The following PLS1 variants were observed in gnomAD, a reference collection of about 807,000 sequenced individuals.
The protein encoded by PLS1 is plastin-1.
PLS1 carries 32 observed loss-of-function variants against 73.7 expected under a neutral mutation model. The observed-to-expected ratio is 0.43, with a 90% confidence interval of 0.33 to 0.58. PLS1 has a LOEUF of 0.58. PLS1 is among the 20% of genes least tolerant of loss of function. The pLI is 0.04. For synonymous variants in PLS1, 217 were observed against 261.3 expected, an observed-to-expected ratio of 0.83 and a Z score of 1.63; for missense variants, 633 against 740.5, an observed-to-expected ratio of 0.85 and a Z score of 1.68.
At chr3:142,669,589 T>C in intron 3 of PLS1, 36 bp downstream of exon 3, 3 of 1,522,350 alleles carry the variant, frequency 2.0e-6, no homozygotes, top group Non-Finnish European at 2.7e-6. Flanking sequence ...ACTGATAATC[T>C]TGCTTAGAGC....
chr3:142,657,731 G>A (rs1223248687), intron 1 of PLS1, among the ~76,000 whole-genome samples: 1 of 151,932 alleles, frequency 6.6e-6, no homozygotes, highest in East Asian at 1.9e-4. Flanking sequence ...CTCATGATCC[G>A]CCCACCTCGC....
At chr3:142,699,195 C>G (rs906198044) in intron 12 of PLS1, among the ~76,000 whole-genome samples, 2 of 152,146 alleles carry the variant, frequency 1.3e-5, no homozygotes, top group African/African-American at 2.4e-5. Flanking sequence ...TGCAGTGGCT[C>G]ACACCTGTAA....
intron 4 of PLS1, among the ~76,000 whole-genome samples, chr3:142,671,702 C>T (rs894447138): frequency 5.3e-5 from 8 of 152,126 alleles, no homozygotes; most frequent in South Asian, 2.1e-4. Flanking sequence ...GTGTCTTCCC[C>T]GTGTTAAGTT....
rs142730461 is a variant in PLS1 at position 142,667,038 on chromosome 3, C to A, written c.71-2352C>A. Among the ~76,000 whole-genome samples the A allele has an allele frequency of 4.5e-3, 680 of 152,250 alleles. 5 individuals are homozygous for A. The highest frequency in any genetic ancestry group is 5.8e-3 in the Non-Finnish European group (396 of 68,006). On this transcript the variant is annotated intron_variant, in intron 2 of 15. Transcript: ENST00000457734. ...TCCTGTTTTCTTTTCAAACTGTGAT[C>A]TTTATGGTTATTTAACTTAAGCCTT...
At chr3:142,702,358 C>G (rs1173507598) in intron 12 of PLS1, among the ~76,000 whole-genome samples, 2 of 152,136 alleles carry the variant, frequency 1.3e-5, no homozygotes, top group Admixed American at 6.6e-5. Context: ...TTTGGATTCT[C>G]TTTTTTAAGA....
At chr3:142,602,796 G>A (rs572020920) in intron 1 of PLS1, among the ~76,000 whole-genome samples, 3 of 138,978 alleles carry the variant, frequency 2.2e-5, no homozygotes, top group Admixed American at 2.1e-4. Flanking sequence ...CCCCTGAGTG[G>A]TTCTGTGTTC....
At chr3:142,702,197 G>A (rs1261697261) in intron 12 of PLS1, among the ~76,000 whole-genome samples, 2 of 152,160 alleles carry the variant, frequency 1.3e-5, no homozygotes, top group African/African-American at 4.8e-5. Flanking sequence ...GGGACTACAG[G>A]CATGTGCCAC....
intron 9 of PLS1, among the ~76,000 whole-genome samples, chr3:142,688,942 G>A (rs2038029182): frequency 6.6e-6 from 1 of 152,076 alleles, no homozygotes; most frequent in Admixed American, 6.6e-5. Flanking sequence ...GTCACTCAGT[G>A]TACAGTGGGT....
At chr3:142,693,487 A>T (rs564688397) in intron 10 of PLS1, among the ~76,000 whole-genome samples, 1 of 152,328 alleles carries the variant, frequency 6.6e-6, no homozygotes, top group South Asian at 2.1e-4. Flanking sequence ...TATAACTTAG[A>T]AGTGATGACA....
chr3:142,600,892 ATATATATATATATATATATATATAT>A (rs1476533346), intron 1 of PLS1, among the ~76,000 whole-genome samples: 6 of 21,722 alleles, frequency 2.8e-4, no homozygotes, highest in Middle Eastern at 0.011. Flanking sequence ...ATATATATAT[ATATATATATATATATATATATATAT>A]TTTTTTTTTT....
intron 4 of PLS1, among the ~76,000 whole-genome samples, chr3:142,673,011 A>G (rs1466331149): frequency 6.6e-6 from 1 of 152,230 alleles, no homozygotes; most frequent in Non-Finnish European, 1.5e-5. Flanking sequence ...TATAAATGGT[A>G]TCATACTGTA....
At chr3:142,600,715 C>T (rs957336953) in intron 1 of PLS1, among the ~76,000 whole-genome samples, 46 of 151,236 alleles carry the variant, frequency 3.0e-4, no homozygotes, top group African/African-American at 1.1e-3. Context: ...CACATCCTTG[C>T]CATTGACTTG....
At chr3:142,686,667 A>G (rs559925967) in intron 9 of PLS1, among the ~76,000 whole-genome samples, 1 of 152,304 alleles carries the variant, frequency 6.6e-6, no homozygotes, top group South Asian at 2.1e-4. Flanking sequence ...TTTAGAGTAC[A>G]GTTCTCTACA....
intron 1 of PLS1, among the ~76,000 whole-genome samples, chr3:142,646,161 C>T (rs894368959): frequency 3.9e-5 from 6 of 152,190 alleles, no homozygotes; most frequent in East Asian, 3.9e-4. Context: ...TGTGAAGATT[C>T]GATGAGTCAA....
rs934951407 is a variant in PLS1 at position 142,713,065 on chromosome 3, T to TAAA, written c.*1060_*1061insAAA. ...CCCACTGAATATCTTTAATAGAAAG[T>TAAA]AACATAAAGCTAGTATTCAATGTAG... On this transcript the variant is annotated 3_prime_UTR_variant, in exon 16 of 16. Coordinates refer to ENST00000457734, the MANE Select transcript of PLS1 (RefSeq NM_001145319.2). 1 of 152,486 alleles carries TAAA rather than the reference T, an allele frequency of 6.6e-6. No homozygotes were observed. Among genetic ancestry groups the TAAA allele is most frequent in the Non-Finnish European group, 1.5e-5 (1 of 68,006 alleles). The allele number at this position is 152,486 out of a possible 1,614,324, so 9.4% of individuals were successfully genotyped here.
rs1440375776 is a variant in PLS1, at chr3:142,689,659, A to C, written c.1023A>C (p.Glu341Asp). 1 of 1,610,442 alleles carries C rather than the reference A, an allele frequency of 6.2e-7. No homozygotes were observed. Among genetic ancestry groups the C allele is most frequent in the African/African-American group, 1.3e-5 (1 of 74,666 alleles). The change falls in exon 10 of 16, where the codon GAA becomes GAC. Residue 341 changes from glutamate (E) to aspartate (D), a missense_variant. Transcript: ENST00000457734. ...DLKRAGLMLQ[E>D]ADKLGCKQFV... ...AGCGTGCTGGACTCATGCTTCAAGA[A>C]GCAGATAAACTGGGCTGCAAACAGT...
chr3:142,616,970 T>G (rs758865158), intron 1 of PLS1, among the ~76,000 whole-genome samples: 6 of 152,146 alleles, frequency 3.9e-5, no homozygotes, highest in Non-Finnish European at 7.3e-5. Flanking sequence ...TTTGTAACCT[T>G]GAGTAGGTCA....
At chr3:142,692,728 G>C (rs569792392) in intron 10 of PLS1, among the ~76,000 whole-genome samples, 12 of 151,776 alleles carry the variant, frequency 7.9e-5, no homozygotes, top group Non-Finnish European at 1.3e-4. Flanking sequence ...ACAGAATTTG[G>C]ATATTTTAAT....
intron 14 of PLS1, among the ~76,000 whole-genome samples, chr3:142,709,990 T>A (rs1020043917): frequency 6.6e-6 from 1 of 151,936 alleles, no homozygotes; most frequent in Non-Finnish European, 1.5e-5. Context: ...TTCCTAAGAA[T>A]CCTATGACAT....
Sources: gnomAD v4.1 joint callset for allele counts (sites outside exome capture counted in the v4.1 genomes callset) on GRCh38, gnomAD v4.1.1 for gene constraint, MANE v1.5 for transcripts, NCBI Gene and HGNC (gene_info 2026-07-23, HGNC 2026-07-21) for gene names.